The following ECM2 variants were observed in gnomAD, a reference collection of about 807,000 sequenced individuals.
ECM2 encodes the protein extracellular matrix protein 2, female organ and adipocyte specific.
ECM2 carries 57 observed loss-of-function variants against 67.5 expected under a neutral mutation model. The ratio of observed to expected loss-of-function variants is 0.84; its 90% CI spans 0.68 to 1.05. The LOEUF is 1.05. Among genes scored for constraint, ECM2 ranks in the 50% least tolerant of loss-of-function variants. The pLI, the probability that ECM2 is intolerant of heterozygous loss-of-function variation, is 0.00. For missense variants in ECM2, 741 were observed against 822.8 expected, an observed-to-expected ratio of 0.90 and a Z score of 1.22; for synonymous variants, 258 against 294.5, an observed-to-expected ratio of 0.88 and a Z score of 1.27.
intron 1 of ECM2, among the ~76,000 whole-genome samples, chr9:92,532,034 A>C (rs2398753): frequency 1.0e-5 from 1 of 98,250 alleles, no homozygotes; most frequent in Non-Finnish European, 2.0e-5. Flanking sequence ...TTTTTATTTT[A>C]TTTTTTTTTT....
chr9:92,509,347 G>A (rs906401872), intron 6 of ECM2, among the ~76,000 whole-genome samples: 14 of 152,148 alleles, frequency 9.2e-5, no homozygotes, highest in African/African-American at 2.4e-4. Context: ...CATCTCAGCC[G>A]CATATGCAGT....
chr9:92,515,117 A>G lies in ECM2; in HGVS notation c.568T>C (p.Leu190=). The change falls in exon 4 of 10, where the codon TTA becomes CTA. Residue 190 remains leucine (L), a synonymous_variant. Coordinates refer to ENST00000344604, the MANE Select transcript of ECM2 (RefSeq NM_001393.4). The part of the protein sequence containing the change: ...DSSEQREPTN[L]LHKQLPPPQV... Reference sequence around the variant, plus strand: ...GGAGGTGGCAGTTGCTTATGAAGTAAATTGGTAGGTTCTCTTTGTTCTGAA... The same window carrying G: ...GGAGGTGGCAGTTGCTTATGAAGTAGATTGGTAGGTTCTCTTTGTTCTGAA... 6.2e-7 allele frequency: 1 copy of G among 1,613,802 alleles called. No homozygotes were observed. The highest frequency in any genetic ancestry group is 8.5e-7 in the Non-Finnish European group (1 of 1,179,968).
the ECM2 span, among the ~76,000 whole-genome samples, chr9:92,547,279 C>A: frequency 6.6e-6 from 1 of 152,268 alleles, no homozygotes; most frequent in South Asian, 2.1e-4. Flanking sequence ...TACAAGAAAA[C>A]AACATGCTTC....
At position 92,516,071 on chromosome 9, in the gene ECM2, T is replaced by TC. The variant is rs1563980625; in HGVS notation, c.482-869_482-868insG. On this transcript the variant is annotated intron_variant, in intron 3 of 9. Transcript: ENST00000344604. ...CTGATTTCACAGTGCATACTTTTTT[T>TC]TCCCCCCCCCGAGACGGAGTCTTGC... 2.5e-4 allele frequency among the ~76,000 whole-genome samples: 35 copies of TC among 140,452 alleles called. 1 individual carries two copies. The highest frequency in any genetic ancestry group is 9.7e-4 in the East Asian group (5 of 5,138). The allele number at this position is 140,452 out of a possible 152,430, so 92.1% of individuals were successfully genotyped here. A position where few individuals can be genotyped will look rare whatever the true frequency, so the allele number is the denominator to read the frequency against.
chr9:92,554,331 G>A, the ECM2 span, among the ~76,000 whole-genome samples: 2 of 151,980 alleles, frequency 1.3e-5, no homozygotes, highest in African/African-American at 4.8e-5. Flanking sequence ...TTACAGGCAC[G>A]TGCCACCACT....
chr9:92,534,419 A>G, intron 1 of ECM2, among the ~76,000 whole-genome samples: 1 of 152,178 alleles, frequency 6.6e-6, no homozygotes, highest in East Asian at 1.9e-4. Context: ...ACCTTTGTTC[A>G]ACAAACGGCA....
Position 92,509,903 on chromosome 9 carries a change from T to C in ECM2, c.1302A>G (p.Leu434=), listed in dbSNP as rs755364185. Residue 434 remains leucine, a synonymous_variant, in exon 6 of 10, where the codon TTA becomes TTG. Coordinates refer to ENST00000344604, the MANE Select transcript of ECM2 (RefSeq NM_001393.4). ...NNLQAIDEES[L]SDLNQLVTLE... ...TGAAAAACAAATATTAAATACCTGA[T>C]AAACTTTCTTCATCGATAGCCTGAA... 22 of 1,603,758 alleles carry C rather than the reference T, an allele frequency of 1.4e-5. No individual in the cohort carries two copies. Among genetic ancestry groups the C allele is most frequent in the Non-Finnish European group, 1.9e-5 (22 of 1,178,014 alleles).
At chr9:92,546,652 T>G in the ECM2 span, among the ~76,000 whole-genome samples, 2 of 152,166 alleles carry the variant, frequency 1.3e-5, no homozygotes, top group South Asian at 4.1e-4. Flanking sequence ...CACGCTGCCT[T>G]TAAGAACTGT....
At chr9:92,502,739 A>G (rs1348157544) in intron 7 of ECM2, 87 bp from the exon 8 acceptor site, 3 of 1,124,842 alleles carry the variant, frequency 2.7e-6, no homozygotes, top group East Asian at 2.6e-5. Context: ...GACATAGACT[A>G]TTATCATTAG....
the ECM2 span, among the ~76,000 whole-genome samples, chr9:92,550,597 T>C: frequency 6.6e-6 from 1 of 152,100 alleles, no homozygotes; most frequent in African/African-American, 2.4e-5. Context: ...TGTAGTAATA[T>C]TCAGTCCAGG....
At chr9:92,502,195 C>G (rs1000736967) in intron 8 of ECM2, among the ~76,000 whole-genome samples, 3 of 152,172 alleles carry the variant, frequency 2.0e-5, no homozygotes, top group African/African-American at 7.2e-5. Flanking sequence ...GGGCAGACCT[C>G]GAAGTCAGAC....
In ECM2 at chr9:92,496,252, T is replaced by C. The variant is rs1004908299; in HGVS notation, c.*63A>G. On this transcript the variant is annotated 3_prime_UTR_variant, in exon 10 of 10. Transcript: ENST00000344604. ...AGGAGGATTATGTCTCTCTTATTAA[T>C]GACAAATGCAGCTACTACAAATACA... The C allele has an allele frequency of 4.0e-6, 6 of 1,510,820 alleles. No individual in the cohort carries two copies. The African/African-American group carries it at 8.5e-5, about 21-fold the overall frequency. The allele number at this position is 1,510,820 out of a possible 1,614,324, so 93.6% of individuals were successfully genotyped here.
the ECM2 span, among the ~76,000 whole-genome samples, chr9:92,551,953 G>GAATGAT: frequency 1.8e-5 from 2 of 108,136 alleles, no homozygotes. Context: ...ATATATATAT[G>GAATGAT]ATATATATAT....
At chr9:92,531,313 C>A (rs1235881147) in intron 1 of ECM2, among the ~76,000 whole-genome samples, 4 of 152,076 alleles carry the variant, frequency 2.6e-5, no homozygotes, top group South Asian at 2.1e-4. Context: ...CTTGACTTAT[C>A]AAAGTCTTAA....
chr9:92,511,250 C>T (rs546582595), intron 5 of ECM2, among the ~76,000 whole-genome samples: 3 of 152,114 alleles, frequency 2.0e-5, no homozygotes, highest in East Asian at 1.9e-4. Flanking sequence ...CTCAGCCTCC[C>T]GAGTAGCTGG....
At chr9:92,503,648 G>T (rs1035318129) in intron 7 of ECM2, among the ~76,000 whole-genome samples, 1 of 152,184 alleles carries the variant, frequency 6.6e-6, no homozygotes, top group Non-Finnish European at 1.5e-5. Context: ...TTGTTCTCTT[G>T]TTAGAATTCA....
intron 1 of ECM2, among the ~76,000 whole-genome samples, chr9:92,532,256 C>T (rs1488692014): frequency 2.0e-5 from 3 of 150,774 alleles, no homozygotes; most frequent in South Asian, 2.1e-4. Context: ...AATTTTTTTT[C>T]TCTCACTGTT....
intron 7 of ECM2, among the ~76,000 whole-genome samples, chr9:92,505,077 C>G (rs989502256): frequency 6.6e-6 from 1 of 152,198 alleles, no homozygotes; most frequent in African/African-American, 2.4e-5. Context: ...CTTCTTTGTA[C>G]AACACTTGTA....
chr9:92,526,744 C>T (rs1848437602), intron 1 of ECM2, among the ~76,000 whole-genome samples: 1 of 151,876 alleles, frequency 6.6e-6, no homozygotes, highest in South Asian at 2.1e-4. Context: ...AGTTAAATTA[C>T]AGTAAGCTAA....
Sources: gnomAD v4.1 joint callset for allele counts (sites outside exome capture counted in the v4.1 genomes callset) on GRCh38, gnomAD v4.1.1 for gene constraint, MANE v1.5 for transcripts, NCBI Gene and HGNC (gene_info 2026-07-23, HGNC 2026-07-21) for gene names.